ANKRD55: variants seen among roughly 807,000 people sequenced by gnomAD.
The protein encoded by ANKRD55 is ankyrin repeat domain-containing protein 55.
A neutral mutation model predicts 60.6 loss-of-function variants in ANKRD55; 41 were observed. That is an observed-to-expected ratio of 0.68 (90% CI 0.53 to 0.88). The LOEUF is 0.88. Among genes scored for constraint, ANKRD55 ranks in the 40% least tolerant of loss-of-function variants. The pLI is 0.00. For missense variants in ANKRD55, 732 were observed against 767.6 expected, an observed-to-expected ratio of 0.95 and a Z score of 0.55; for synonymous variants, 264 against 290.3, an observed-to-expected ratio of 0.91 and a Z score of 0.92.
chr5:56,230,340 AC>A (rs924192537), intron 2 of ANKRD55, among the ~76,000 whole-genome samples: 4 of 152,158 alleles, frequency 2.6e-5, no homozygotes, highest in Non-Finnish European at 5.9e-5. Context: ...GGATCTGCCC[AC>A]CTCGGCCTCC....
chr5:56,209,452 T>G (rs1759602808), intron 2 of ANKRD55, among the ~76,000 whole-genome samples: 1 of 150,264 alleles, frequency 6.7e-6, no homozygotes, highest in Non-Finnish European at 1.5e-5. Context: ...ACCAAAACAT[T>G]TTTACATGTA....
chr5:56,136,793 T>C lies in ANKRD55; in HGVS notation c.612+7008A>G, dbSNP rs537598863. 5.2e-4 allele frequency among the ~76,000 whole-genome samples: 73 copies of C among 140,098 alleles called. 2 individuals carry two copies. The East Asian group carries it at 0.012, about 24-fold the overall frequency. The allele number at this position is 140,098 out of a possible 152,430, so 91.9% of individuals were successfully genotyped here. ...AAAAATTACCTAGGCATTGTGGGTG[T>C]GCCTATAGTCCCAGGTACTCAAGAG... On this transcript the variant is annotated intron_variant, in intron 7 of 11. Coordinates refer to ENST00000341048, the MANE Select transcript of ANKRD55 (RefSeq NM_024669.3).
At chr5:56,219,288 A>AAAAAAAG (rs1561297143) in intron 2 of ANKRD55, among the ~76,000 whole-genome samples, 1 of 150,404 alleles carries the variant, frequency 6.6e-6, no homozygotes, top group African/African-American at 2.5e-5. Flanking sequence ...AAAAAAAAAA[A>AAAAAAAG]AAAAGAAAAA....
At chr5:56,212,443 A>G (rs1759698485) in intron 2 of ANKRD55, among the ~76,000 whole-genome samples, 1 of 152,240 alleles carries the variant, frequency 6.6e-6, no homozygotes, top group Non-Finnish European at 1.5e-5. Context: ...AAATTCTAAC[A>G]AATGCAGTAA....
chr5:56,105,986 G>A (rs944375288), intron 10 of ANKRD55, among the ~76,000 whole-genome samples: 2 of 152,200 alleles, frequency 1.3e-5, no homozygotes, highest in Non-Finnish European at 2.9e-5. Context: ...GAATTAAGCT[G>A]ACGTGCTCCA....
intron 7 of ANKRD55, chr5:56,137,645 G>T: frequency 8.8e-5 from 41 of 468,100 alleles, no homozygotes; most frequent in Non-Finnish European, 1.1e-4. Flanking sequence ...TTTAGATACT[G>T]AAATAATAAT....
intron 2 of ANKRD55, among the ~76,000 whole-genome samples, chr5:56,225,478 G>A (rs142837228): frequency 1.6e-4 from 24 of 152,242 alleles, no homozygotes; most frequent in East Asian, 1.5e-3. Flanking sequence ...TGGAAGTTCC[G>A]GCCAAGGCAA....
At chr5:56,126,133 CA>C (rs1056861797) in intron 8 of ANKRD55, among the ~76,000 whole-genome samples, 2 of 150,684 alleles carry the variant, frequency 1.3e-5, no homozygotes, top group East Asian at 1.9e-4. Flanking sequence ...GACTCCATCT[CA>C]AAAAAATAGA....
rs1561263753 is a variant in ANKRD55 at position 56,135,257 on chromosome 5, TC to T, written c.613-8152del. 9.8e-4 allele frequency among the ~76,000 whole-genome samples: 129 copies of T among 131,306 alleles called. 7 individuals carry two copies. The highest frequency in any genetic ancestry group is 3.2e-3 in the African/African-American group (102 of 31,614). The allele number at this position is 131,306 out of a possible 152,430, so 86.1% of individuals were successfully genotyped here. A position where few individuals can be genotyped will look rare whatever the true frequency, so the allele number is the denominator to read the frequency against. ...TTCCTTCCTTCCTTCCTTCCTTCCT[TC>T]CTTCTTTCCCTCCCTCCCTCCCTGC... On this transcript the variant is annotated intron_variant, in intron 7 of 11. Coordinates refer to ENST00000341048, the MANE Select transcript of ANKRD55 (RefSeq NM_024669.3).
intron 5 of ANKRD55, among the ~76,000 whole-genome samples, chr5:56,166,154 C>CTTTCTTTCTTTCTTTCTTTCTTCT (rs11283204): frequency 2.4e-4 from 17 of 71,508 alleles, no homozygotes; most frequent in African/African-American, 1.0e-3. Context: ...TTCTTTCTTT[C>CTTTCTTTCTTTCTTTCTTTCTTCT]TTCTTTCCTT....
rs1203747956 is a variant in ANKRD55 at position 56,159,881 on chromosome 5, G to A, written c.435C>T (p.Val145=). The part of the protein sequence containing the change: ...TAEPDMRLLT[V]LLQQSNISEI... ...CGCTGATGTTCGACTGTTGCAACAG[G>A]ACCGTGAGGAGCCTGTAAGGAAAAA... Residue 145 remains valine, a synonymous_variant, in exon 6 of 12, where the codon GTC becomes GTT. Transcript: ENST00000341048. 1 of 1,613,612 alleles carries A rather than the reference G, an allele frequency of 6.2e-7. No homozygotes were observed. Among genetic ancestry groups the A allele is most frequent in the Non-Finnish European group, 8.5e-7 (1 of 1,179,764 alleles).
intron 7 of ANKRD55, among the ~76,000 whole-genome samples, chr5:56,134,079 A>C (rs6889028): frequency 1 from 111,574 of 111,852 alleles, 55,731 homozygotes; most frequent in Middle Eastern, 1. Context: ...AACAGAGGGA[A>C]ACAAATTACT....
intron 2 of ANKRD55, among the ~76,000 whole-genome samples, chr5:56,186,326 C>T: frequency 6.6e-6 from 1 of 152,154 alleles, no homozygotes; most frequent in African/African-American, 2.4e-5. Flanking sequence ...CACCACCACG[C>T]CCAGCTAATT....
intron 10 of ANKRD55, among the ~76,000 whole-genome samples, chr5:56,107,177 G>C (rs1756507512): frequency 6.6e-6 from 1 of 152,156 alleles, no homozygotes. Context: ...GTCAGTTGCA[G>C]AAGCATTTTA....
intron 8 of ANKRD55, among the ~76,000 whole-genome samples, chr5:56,125,371 C>T (rs1757215187): frequency 6.6e-6 from 1 of 151,704 alleles, no homozygotes; most frequent in Admixed American, 6.6e-5. Flanking sequence ...ACCTCTGCCT[C>T]TTGGGTTCAA....
intron 10 of ANKRD55, among the ~76,000 whole-genome samples, chr5:56,109,159 T>A (rs1756592011): frequency 6.6e-6 from 1 of 151,816 alleles, no homozygotes; most frequent in Non-Finnish European, 1.5e-5. Flanking sequence ...CTTCAAGAAA[T>A]AAATTATTTT....
intron 7 of ANKRD55, among the ~76,000 whole-genome samples, chr5:56,133,438 C>CAAAAA (rs56100693): frequency 1.7e-5 from 1 of 59,462 alleles, no homozygotes; most frequent in Admixed American, 1.8e-4. Flanking sequence ...GACTCCGTCT[C>CAAAAA]AAAAAAAAAA....
rs1261524114 is a variant in ANKRD55, at chr5:56,159,883, C to G, written c.433G>C (p.Val145Leu). Residue 145 changes from valine to leucine, a missense_variant, in exon 6 of 12, where the codon GTC (valine) becomes CTC (leucine). Transcript: ENST00000341048. ...CTGATGTTCGACTGTTGCAACAGGA[C>G]CGTGAGGAGCCTGTAAGGAAAAAAT... Reference protein sequence around the residue: ...TAEPDMRLLTVLLQQSNISEI... With the variant: ...TAEPDMRLLTLLLQQSNISEI... The G allele has an allele frequency of 1.2e-6, 2 of 1,613,402 alleles. No homozygotes were observed. Among genetic ancestry groups the G allele is most frequent in the African/African-American group, 2.7e-5 (2 of 74,876 alleles).
At chr5:56,159,461 TA>T (rs138795262) in intron 6 of ANKRD55, among the ~76,000 whole-genome samples, 1,999 of 141,420 alleles carry the variant, frequency 0.014, 33 homozygotes, top group African/African-American at 0.042. Flanking sequence ...AACTCCATCT[TA>T]AAAAAAAAAA....
Sources: allele counts gnomAD v4.1 joint callset (sites outside exome capture counted in the v4.1 genomes callset), GRCh38; gene constraint gnomAD v4.1.1; transcripts MANE v1.5; gene names NCBI Gene and HGNC (gene_info 2026-07-23, HGNC 2026-07-21).